PCDH7: variants seen among roughly 807,000 people sequenced by gnomAD.
The protein encoded by PCDH7 is protocadherin-7.
In PCDH7, 17 loss-of-function variants were observed where a neutral mutation model predicts 58.9. The ratio of observed to expected loss-of-function variants is 0.29; its 90% confidence interval spans 0.20 to 0.43. The LOEUF is 0.43. PCDH7 is among the 20% of genes least tolerant of loss of function. PCDH7 has a pLI of 1.00. For missense variants in PCDH7, 1,274 were observed against 1,441.0 expected (o/e 0.88, Z 1.88); for synonymous variants, 664 against 616.4 (o/e 1.08, Z -1.14).
chr4:30,831,444 G>C (rs1382781934), intron 1 of PCDH7, among the ~76,000 whole-genome samples: 1 of 152,056 alleles, frequency 6.6e-6, no homozygotes, highest in Non-Finnish European at 1.5e-5. Context: ...GGTAATATCA[G>C]TTTTAAACTG....
intron 3 of PCDH7, among the ~76,000 whole-genome samples, chr4:31,080,300 A>G (rs1173350976): frequency 6.6e-6 from 1 of 151,960 alleles, no homozygotes; most frequent in East Asian, 1.9e-4. Flanking sequence ...TAACTAGCAT[A>G]TCTATTCCTT....
Position 31,022,859 on chromosome 4 carries a change from G to C in PCDH7, c.*7+72644G>C, listed in dbSNP as rs1188444070. Among the ~76,000 whole-genome samples, 5 of 152,180 alleles carry C rather than the reference G, an allele frequency of 3.3e-5. No homozygotes were observed. The South Asian group carries it at 6.2e-4, about 19-fold the overall frequency. The stretch of plus-strand genomic sequence containing the variant: ...ATGACTAAGTGTCATAAGCTGCTGT[G>C]CAAGGTAGAATAATACGGTGAGTGT... On this transcript the variant is annotated intron_variant, in intron 3 of 3. Transcript: ENST00000509759.
At chr4:30,725,810 A>ATC (rs1714538046) in intron 1 of PCDH7, among the ~76,000 whole-genome samples, 1 of 152,142 alleles carries the variant, frequency 6.6e-6, no homozygotes, top group African/African-American at 2.4e-5. Context: ...CTCATTGAAG[A>ATC]TTATAGTTAT....
rs922428577 is a variant in PCDH7, at chr4:30,721,200, G to A, written c.-223G>A. On this transcript the variant is annotated 5_prime_UTR_variant, in exon 1 of 2. Transcript: ENST00000361762. This position sits in a 1 kb window ranked among gnomAD's most constrained non-coding sequence, Gnocchi z 6.7. The stretch of plus-strand genomic sequence containing the variant: ...CATGAATTATGAAACAATAACTTTC[G>A]GAAGAAGCAGGAGGAAAAAAAGAAG... 80 of 533,424 alleles carry A rather than the reference G, an allele frequency of 1.5e-4. 2 individuals are homozygous for A. Among genetic ancestry groups the A allele is most frequent in the African/African-American group, 1.2e-3 (59 of 50,938 alleles). The allele number at this position is 533,424 out of a possible 1,614,324, so 33.0% of individuals were successfully genotyped here.
chr4:31,015,440 A>G (rs1753533434), intron 3 of PCDH7, among the ~76,000 whole-genome samples: 1 of 152,228 alleles, frequency 6.6e-6, no homozygotes, highest in Non-Finnish European at 1.5e-5. Context: ...ATGGAAACAT[A>G]TAACACAAAC....
chr4:30,906,753 T>C (rs1012010100), intron 1 of PCDH7, among the ~76,000 whole-genome samples: 2 of 152,182 alleles, frequency 1.3e-5, no homozygotes, highest in African/African-American at 4.8e-5. Flanking sequence ...CCAGGCACTG[T>C]GACTCACACC....
chr4:31,043,514 T>C (rs1424206604), intron 3 of PCDH7, among the ~76,000 whole-genome samples: 1 of 152,182 alleles, frequency 6.6e-6, no homozygotes, highest in Non-Finnish European at 1.5e-5. Context: ...TGGTTTTGAT[T>C]TGTATTCTCT....
At chr4:31,015,468 C>T (rs979300828) in intron 3 of PCDH7, among the ~76,000 whole-genome samples, 5 of 152,114 alleles carry the variant, frequency 3.3e-5, no homozygotes, top group African/African-American at 9.7e-5. Flanking sequence ...CACTTTGTCC[C>T]TATCAATCAA....
At chr4:31,145,187 C>A (rs149682148), downstream of PCDH7, 1 of 152,046 alleles carries the variant, frequency 6.6e-6, no homozygotes, top group East Asian at 1.9e-4. Context: ...TTAATTGGAT[C>A]CACATTCCCC....
chr4:30,962,782 A>C (rs1031865448), intron 3 of PCDH7, among the ~76,000 whole-genome samples: 7 of 149,696 alleles, frequency 4.7e-5, no homozygotes, highest in African/African-American at 1.2e-4. Context: ...GTCTTAAAAA[A>C]AAAAAAAAAA....
At chr4:30,924,492 A>G (rs1312935087) in intron 2 of PCDH7, among the ~76,000 whole-genome samples, 2 of 152,216 alleles carry the variant, frequency 1.3e-5, no homozygotes, top group Non-Finnish European at 1.5e-5. Context: ...GCCAGTAGTG[A>G]TTCTAGGGCC....
At chr4:30,781,256 T>C (rs1230834530) in intron 1 of PCDH7, among the ~76,000 whole-genome samples, 1 of 150,912 alleles carries the variant, frequency 6.6e-6, no homozygotes, top group Non-Finnish European at 1.5e-5. Flanking sequence ...TTCTTCTGCC[T>C]CAGCCTTCCG....
intron 3 of PCDH7, among the ~76,000 whole-genome samples, chr4:30,970,799 A>G (rs1481740843): frequency 6.6e-6 from 1 of 152,212 alleles, no homozygotes; most frequent in Non-Finnish European, 1.5e-5. Flanking sequence ...CAGAGCATAT[A>G]TAAAATGTAT....
chr4:31,067,539 A>G (rs1332399594), intron 3 of PCDH7, among the ~76,000 whole-genome samples: 3 of 151,938 alleles, frequency 2.0e-5, no homozygotes, highest in Non-Finnish European at 4.4e-5. Flanking sequence ...TACTTAGCAT[A>G]GTGTCAGTAG....
intron 3 of PCDH7, among the ~76,000 whole-genome samples, chr4:31,065,946 G>A (rs1384330272): frequency 6.6e-6 from 1 of 151,906 alleles, no homozygotes; most frequent in Non-Finnish European, 1.5e-5. Context: ...GACATCAGGA[G>A]ATACATAATA....
At chr4:30,797,027 C>A (rs547734175) in intron 1 of PCDH7, among the ~76,000 whole-genome samples, 1 of 151,790 alleles carries the variant, frequency 6.6e-6, no homozygotes, top group East Asian at 2.0e-4. Context: ...GTGGTGCGAT[C>A]TCGGCTCACT....
chr4:31,047,582 G>A (rs1438007531), intron 3 of PCDH7, among the ~76,000 whole-genome samples: 3 of 152,000 alleles, frequency 2.0e-5, no homozygotes, highest in African/African-American at 7.2e-5. Context: ...TATCTTAAGA[G>A]AAATACAGTA....
chr4:30,795,790 A>G (rs534245975), intron 1 of PCDH7, among the ~76,000 whole-genome samples: 1 of 152,222 alleles, frequency 6.6e-6, no homozygotes, highest in African/African-American at 2.4e-5. Flanking sequence ...ATTGTTTAGA[A>G]TATATAAACG....
chr4:30,869,244 T>C (rs1735244215), intron 1 of PCDH7, among the ~76,000 whole-genome samples: 1 of 152,082 alleles, frequency 6.6e-6, no homozygotes, highest in East Asian at 1.9e-4. Flanking sequence ...TAAGATATTG[T>C]AGTTTAGCCT....
Sources: allele counts gnomAD v4.1 joint callset (sites outside exome capture counted in the v4.1 genomes callset), GRCh38; gene constraint gnomAD v4.1.1; non-coding constraint Gnocchi (gnomAD v3.1); transcripts MANE v1.5; gene names NCBI Gene and HGNC (gene_info 2026-07-23, HGNC 2026-07-21).